Variants in SEMA6A observed in about 807,000 individuals in gnomAD.
SEMA6A encodes semaphorin-6A.
Under a neutral mutation model 96.8 loss-of-function variants are expected in SEMA6A, and 25 were observed. The ratio of observed to expected loss-of-function variants is 0.26; its 90% CI spans 0.19 to 0.36. The LOEUF is 0.36. Among genes scored for constraint, SEMA6A ranks in the 10% least tolerant of loss-of-function variants. SEMA6A has a pLI of 1.00. For synonymous variants in SEMA6A, 612 were observed against 518.0 expected (o/e 1.18, Z -2.46); for missense variants, 1,363 against 1,323.1 (o/e 1.03, Z -0.47).
rs80116328 is a variant in SEMA6A, at chr5:116,445,523, A to G, written c.*1090T>C. 6.0e-4 allele frequency: 91 copies of G among 152,768 alleles called. No homozygotes were observed. The highest frequency in any genetic ancestry group is 2.1e-3 in the African/African-American group (87 of 41,598). 9.5% of individuals were successfully genotyped at this position (152,768 alleles called of 1,614,324 possible). A position where few individuals can be genotyped will look rare whatever the true frequency, so the allele number is the denominator to read the frequency against. The stretch of plus-strand genomic sequence containing the variant: ...GAACCATGGACAAAACCATGTTGGC[A>G]TCAATGAGATATGATGTGCCATTCT... On this transcript the variant is annotated 3_prime_UTR_variant, in exon 19 of 19. Transcript: ENST00000343348.
At chr5:116,505,457 G>GCACACACA (rs386418405) in intron 1 of SEMA6A, among the ~76,000 whole-genome samples, 4 of 143,790 alleles carry the variant, frequency 2.8e-5, no homozygotes, top group East Asian at 2.0e-4. Flanking sequence ...ACACACGCAC[G>GCACACACA]CGCACACACA....
In SEMA6A at chr5:116,478,691, G is replaced by A; in HGVS notation, c.1278C>T (p.Asp426=). The A allele has an allele frequency of 1.2e-6, 2 of 1,612,542 alleles. No homozygotes were observed. Among genetic ancestry groups the A allele is most frequent in the African/African-American group, 1.3e-5 (1 of 74,988 alleles). Residue 426 remains aspartate (D), a synonymous_variant, in exon 13 of 19, where the codon GAC becomes GAT. Coordinates refer to ENST00000343348, the MANE Select transcript of SEMA6A (RefSeq NM_020796.5). ...VRYRLTKIAV[D]TAAGPYQNHT... is the part of the protein sequence containing the mutation. ...GATTCTGATATGGCCCAGCAGCTGTGTCCACTGCAATTTTGGTAAGGCGGT... is the reference window on the plus strand; with the variant it reads ...GATTCTGATATGGCCCAGCAGCTGTATCCACTGCAATTTTGGTAAGGCGGT...
chr5:116,447,509 C>T lies in SEMA6A; in HGVS notation c.2197G>A (p.Ala733Thr), dbSNP rs554358263. 2 of 1,614,054 alleles carry T rather than the reference C, an allele frequency of 1.2e-6. No individual in the cohort carries two copies. Among genetic ancestry groups the T allele is most frequent in the Non-Finnish European group, 8.5e-7 (1 of 1,179,906 alleles). The change falls in exon 19 of 19, where the codon GCC (alanine) becomes ACC (threonine). Residue 733 changes from alanine to threonine, a missense_variant. Around this residue, in one of 2 missense-constraint regions of SEMA6A, gnomAD observed 883 missense variants for 763.6 expected, o/e 1.16. Transcript: ENST00000343348. ...LTPLMHNGKL[A>T]TPGNTAKMLI... ...ATCTTGGCCGTGTTGCCGGGAGTGG[C>T]GAGCTTGCCGTTGTGCATGAGTGGC...
rs1277223883 is a variant in SEMA6A, at chr5:116,447,194, C to T, written c.2512G>A (p.Val838Met). Residue 838 changes from valine to methionine, a missense_variant, in exon 19 of 19, where the codon GTG becomes ATG. Physicochemically the swap from Val to Met is conservative, Grantham distance 21 (BLOSUM62 1). Transcript: ENST00000343348. ...EYVDQPKMSE[V>M]AQMALEDQAA... Reference sequence around the variant, plus strand: ...TGGTCCTCCAGCGCCATCTGGGCCACCTCGCTCATTTTGGGCTGGTCCACG... The same window carrying T: ...TGGTCCTCCAGCGCCATCTGGGCCATCTCGCTCATTTTGGGCTGGTCCACG... 6.2e-7 allele frequency: 1 copy of T among 1,613,952 alleles called. No individual in the cohort carries two copies. The highest frequency in any genetic ancestry group is 8.5e-7 in the Non-Finnish European group (1 of 1,179,916).
At chr5:116,460,610 T>A (rs898302972) in intron 18 of SEMA6A, among the ~76,000 whole-genome samples, 1 of 152,122 alleles carries the variant, frequency 6.6e-6, no homozygotes, top group Non-Finnish European at 1.5e-5. Flanking sequence ...ATTATTTAGT[T>A]TTGTTTCAAT....
chr5:116,467,867 G>T, intron 17 of SEMA6A, 120 bp from the exon 18 acceptor site: 2 of 870,668 alleles, frequency 2.3e-6, no homozygotes, highest in Non-Finnish European at 1.7e-6. Context: ...GATGGCCCTA[G>T]AAATGACACG....
At position 116,512,946 on chromosome 5, in the gene SEMA6A, G is replaced by A. The variant is rs532719918; in HGVS notation, c.-38-7964C>T. ...TTTTGCCATCACCATCTTTGTAAAC[G>A]TTCTTTGTTTGTTTGTTGTTGGCTT... On this transcript the variant is annotated intron_variant, in intron 1 of 18. Transcript: ENST00000343348. Among the ~76,000 whole-genome samples, 9 of 152,198 alleles carry A rather than the reference G, an allele frequency of 5.9e-5. No homozygotes were observed. In the South Asian group the frequency reaches 1.2e-3, roughly 21 times the overall value.
At chr5:116,561,808 G>A (rs528016366) in intron 1 of SEMA6A, among the ~76,000 whole-genome samples, 7 of 152,208 alleles carry the variant, frequency 4.6e-5, no homozygotes, top group Admixed American at 6.5e-5. Flanking sequence ...ATATGAAAAC[G>A]AAAGCATCAC....
chr5:116,566,511 C>A (rs1355365610), intron 1 of SEMA6A, among the ~76,000 whole-genome samples: 1 of 152,234 alleles, frequency 6.6e-6, no homozygotes, highest in Non-Finnish European at 1.5e-5. Flanking sequence ...TTATCTCACA[C>A]TCTTTCCATT....
At chr5:116,472,778 A>T (rs1456060294) in intron 17 of SEMA6A, 1 of 836,858 alleles carries the variant, frequency 1.2e-6, no homozygotes, top group Admixed American at 3.5e-5. Context: ...TGGGGCCCTA[A>T]AGTAACAAAG....
Position 116,480,128 on chromosome 5 carries a change from A to G in SEMA6A, c.1244T>C (p.Met415Thr). The part of the protein sequence containing the change: ...IFNRPWFLRT[M>T]VRYRLTKIAV... ...CGGTTTGTTTGACACCCACCTGACCATTGTTCTCAGGAACCATGGCCTGTT... is the reference window on the plus strand; with the variant it reads ...CGGTTTGTTTGACACCCACCTGACCGTTGTTCTCAGGAACCATGGCCTGTT... The change falls in exon 12 of 19, where the codon ATG becomes ACG. Residue 415 changes from methionine to threonine, a missense_variant. By Grantham distance (81) the Met-to-Thr change is moderately conservative. Coordinates refer to ENST00000343348, the MANE Select transcript of SEMA6A (RefSeq NM_020796.5). The G allele has an allele frequency of 6.2e-7, 1 of 1,613,722 alleles. No individual in the cohort carries two copies. Among genetic ancestry groups the G allele is most frequent in the Non-Finnish European group, 8.5e-7 (1 of 1,179,736 alleles).
In SEMA6A at chr5:116,571,985, A is replaced by C. The variant is rs371871435; in HGVS notation, c.-39+2200T>G. Among the ~76,000 whole-genome samples, 7 of 152,190 alleles carry C rather than the reference A, an allele frequency of 4.6e-5. No homozygotes were observed. The East Asian group carries it at 5.8e-4, about 13-fold the overall frequency. Reference sequence around the variant, plus strand: ...TAAACCACCAGTCCTCCCCGCCATCACTGTAGCATACCACAGACTTGATGC... The same window carrying C: ...TAAACCACCAGTCCTCCCCGCCATCCCTGTAGCATACCACAGACTTGATGC... On this transcript the variant is annotated intron_variant, in intron 1 of 18. Coordinates refer to ENST00000343348, the MANE Select transcript of SEMA6A (RefSeq NM_020796.5).
chr5:116,467,717 G>A lies in SEMA6A; in HGVS notation c.1760C>T (p.Thr587Ile), dbSNP rs769403156. The A allele has an allele frequency of 6.2e-7, 1 of 1,613,804 alleles. No individual in the cohort carries two copies. Among genetic ancestry groups the A allele is most frequent in the African/African-American group, 1.3e-5 (1 of 75,012 alleles). ...GHSSSLLPST[T>I]TSDSTAQEGY... is the part of the protein sequence containing the mutation. ...CTCTTGAGCCGTCGAATCTGATGTG[G>A]TTGTGCTGGGCAAGAGGGAACTGGA... Residue 587 changes from threonine (T) to isoleucine (I), a missense_variant, in exon 18 of 19, where the codon ACC becomes ATC. Thr to Ile is a moderately conservative substitution (Grantham distance 89). Transcript: ENST00000343348.
intron 1 of SEMA6A, among the ~76,000 whole-genome samples, chr5:116,514,783 CCT>C (rs1348197787): frequency 6.6e-6 from 1 of 152,134 alleles, no homozygotes; most frequent in East Asian, 1.9e-4. Flanking sequence ...TTACCAACTC[CCT>C]GTTTTCTACT....
At chr5:116,490,486 C>T (rs187371218) in intron 7 of SEMA6A, among the ~76,000 whole-genome samples, 1 of 152,310 alleles carries the variant, frequency 6.6e-6, no homozygotes, top group African/African-American at 2.4e-5. Context: ...GTGAGGACCT[C>T]CAGCAGTAGT....
chr5:116,502,384 A>T, intron 2 of SEMA6A, 57 bp from the exon 3 acceptor site: 1 of 1,439,642 alleles, frequency 6.9e-7, no homozygotes, highest in East Asian at 2.3e-5. Flanking sequence ...AGGAATTGAC[A>T]GGGTAGGGAG....
intron 1 of SEMA6A, among the ~76,000 whole-genome samples, chr5:116,554,580 G>T (rs1331429402): frequency 6.6e-6 from 1 of 152,116 alleles, no homozygotes; most frequent in Non-Finnish European, 1.5e-5. Flanking sequence ...CTACTGCATA[G>T]AAACCAACTT....
At position 116,447,729 on chromosome 5, in the gene SEMA6A, G is replaced by A. The variant is rs763320168; in HGVS notation, c.1977C>T (p.Phe659=). 3.7e-6 allele frequency: 6 copies of A among 1,613,904 alleles called. No individual in the cohort carries two copies. The Admixed American group carries it at 5.0e-5, about 13-fold the overall frequency. Residue 659 remains phenylalanine (F), a synonymous_variant, in exon 19 of 19, where the codon TTC becomes TTT. Coordinates refer to ENST00000343348, the MANE Select transcript of SEMA6A (RefSeq NM_020796.5). ...TLLAIAVILA[F]VMGAVFSGIT... ...TGCCCGAGAAGACGGCCCCCATGAC[G>A]AAAGCCAGGATGACTGCAATGGCCA...
chr5:116,485,804 T>C (rs575831873), intron 10 of SEMA6A, among the ~76,000 whole-genome samples: 1 of 152,306 alleles, frequency 6.6e-6, no homozygotes, highest in South Asian at 2.1e-4. Context: ...ACACAGTGCA[T>C]GAATTTAGAT....
Sources: gnomAD v4.1 joint callset for allele counts (sites outside exome capture counted in the v4.1 genomes callset) on GRCh38, gnomAD v4.1.1 for gene constraint, gnomAD v4.1.1 regional missense constraint, MANE v1.5 for transcripts, NCBI Gene and HGNC (gene_info 2026-07-23, HGNC 2026-07-21) for gene names.